NFIC: variants seen among roughly 807,000 people sequenced by gnomAD.
NFIC encodes the protein nuclear factor 1 C-type.
A neutral mutation model predicts 54.4 loss-of-function variants in NFIC; 12 were observed. The observed-to-expected ratio is 0.22, with a 90% CI of 0.14 to 0.36. The LOEUF (loss-of-function observed/expected upper bound fraction) is 0.36. NFIC is among the 10% of genes least tolerant of loss of function. The pLI is 1.00. For synonymous variants in NFIC, 322 were observed against 319.2 expected (o/e 1.01, Z -0.09); for missense variants, 575 against 718.2 (o/e 0.80, Z 2.28).
rs915385088 is a variant in NFIC at position 3,394,980 on chromosome 19, G to T, written c.562+12737G>T. Among the ~76,000 whole-genome samples the T allele has an allele frequency of 2.0e-5, 3 of 152,110 alleles. No individual in the cohort carries two copies. The South Asian group carries it at 6.2e-4, about 32-fold the overall frequency. On this transcript the variant is annotated intron_variant, in intron 2 of 10. Coordinates refer to ENST00000443272, the MANE Select transcript of NFIC (RefSeq NM_001245002.2). ...GAAGGTTGGAGGCTGCTGTTCCAGA[G>T]AATTCGGAAGCAGATCTCCAGTCTC...
chr19:3,440,106 T>G (rs1344072318), intron 6 of NFIC, among the ~76,000 whole-genome samples: 1 of 152,060 alleles, frequency 6.6e-6, no homozygotes, highest in Non-Finnish European at 1.5e-5. Flanking sequence ...CCGGGATGAT[T>G]TAAGTGGATT....
At chr19:3,449,161 C>G in intron 7 of NFIC, 22 bp downstream of exon 7, 1 of 1,602,550 alleles carries the variant, frequency 6.2e-7, no homozygotes. Context: ...GGGCCCCTGG[C>G]GGGGAGGGGC....
chr19:3,383,459 G>A (rs1019215265), intron 2 of NFIC, among the ~76,000 whole-genome samples: 1 of 152,198 alleles, frequency 6.6e-6, no homozygotes. Context: ...GCTAAGAGCA[G>A]GGTTGGTCCT....
intron 1 of NFIC, among the ~76,000 whole-genome samples, chr19:3,373,033 T>G (rs1483316876): frequency 6.6e-6 from 1 of 151,938 alleles, no homozygotes; most frequent in African/African-American, 2.4e-5. Flanking sequence ...TTAGTAGAGA[T>G]GGGGTTTCAC....
chr19:3,425,746 C>T (rs1339348359), intron 3 of NFIC, among the ~76,000 whole-genome samples: 1 of 151,242 alleles, frequency 6.6e-6, no homozygotes, highest in African/African-American at 2.4e-5. Context: ...AGGCATGAGC[C>T]ACCGTGCCCG....
chr19:3,396,108 G>A (rs920790343), intron 2 of NFIC, among the ~76,000 whole-genome samples: 9 of 152,220 alleles, frequency 5.9e-5, no homozygotes, highest in African/African-American at 2.2e-4. Flanking sequence ...GCAGTTGTGA[G>A]GACTGGTGGT....
intron 2 of NFIC, among the ~76,000 whole-genome samples, chr19:3,399,245 GTGGGGT>G (rs1385765626): frequency 6.6e-6 from 1 of 152,214 alleles, no homozygotes; most frequent in Non-Finnish European, 1.5e-5. Context: ...CGCCTGCTCT[GTGGGGT>G]TGCTGAGGGA....
chr19:3,381,797 G>A lies in NFIC; in HGVS notation c.116G>A (p.Arg39His). The stretch of plus-strand genomic sequence containing the variant: ...TGGTTCAACCTGCAGGCGCGGAAGC[G>A]CAAGTACTTCAAGAAGCACGAGAAG... ...YTWFNLQARKRKYFKKHEKRM... is the reference protein window; with the variant it reads ...YTWFNLQARKHKYFKKHEKRM... The change falls in exon 2 of 11, where the codon CGC becomes CAC. Residue 39 changes from arginine to histidine, a missense_variant. Around this residue, in one of 3 missense-constraint regions of NFIC, gnomAD observed 122 missense variants for 158.0 expected, o/e 0.77. Transcript: ENST00000443272. The A allele has an allele frequency of 6.2e-7, 1 of 1,613,990 alleles. No individual in the cohort carries two copies. The highest frequency in any genetic ancestry group is 8.5e-7 in the Non-Finnish European group (1 of 1,179,968).
At chr19:3,394,519 A>ACCCCTCCCCCCCCCC (rs138210089) in intron 2 of NFIC, among the ~76,000 whole-genome samples, 1 of 47,312 alleles carries the variant, frequency 2.1e-5, no homozygotes, top group African/African-American at 1.4e-4. Context: ...TCTTTTCCCC[A>ACCCCTCCCCCCCCCC]CCCACCCCCC....
intron 2 of NFIC, among the ~76,000 whole-genome samples, chr19:3,392,991 A>G (rs926489183): frequency 6.6e-6 from 1 of 152,046 alleles, no homozygotes; most frequent in East Asian, 1.9e-4. Flanking sequence ...CCCAGGCTGG[A>G]GTACAGTGGC....
chr19:3,427,878 GA>G (rs2082052100), intron 3 of NFIC, among the ~76,000 whole-genome samples: 1 of 139,330 alleles, frequency 7.2e-6, no homozygotes, highest in Non-Finnish European at 1.6e-5. Flanking sequence ...AAGAGAGAGA[GA>G]AAAAGAAGGG....
At chr19:3,377,506 G>A (rs2081129319) in intron 1 of NFIC, among the ~76,000 whole-genome samples, 1 of 152,114 alleles carries the variant, frequency 6.6e-6, no homozygotes, top group Admixed American at 6.6e-5. Context: ...GGTCAAGGCA[G>A]GGAGATGGAA....
chr19:3,407,637 T>C (rs1450913818), intron 2 of NFIC, among the ~76,000 whole-genome samples: 1 of 151,694 alleles, frequency 6.6e-6, no homozygotes, highest in Non-Finnish European at 1.5e-5. Flanking sequence ...GTTTCCGCCA[T>C]GTTGGTCAGG....
chr19:3,430,931 C>CAAAAAAAAAAAAAAAAAAA (rs59760975), intron 3 of NFIC, among the ~76,000 whole-genome samples: 6 of 80,160 alleles, frequency 7.5e-5, no homozygotes, highest in African/African-American at 2.4e-4. Flanking sequence ...GACTCCGTCT[C>CAAAAAAAAAAAAAAAAAAA]AAAAAAAAAA....
At chr19:3,394,158 T>C (rs568554811) in intron 2 of NFIC, among the ~76,000 whole-genome samples, 54 of 151,898 alleles carry the variant, frequency 3.6e-4, no homozygotes, top group Non-Finnish European at 5.6e-4. Flanking sequence ...AATGATACTA[T>C]TGCAATCCAT....
At chr19:3,392,572 C>T (rs376684467) in intron 2 of NFIC, among the ~76,000 whole-genome samples, 3 of 152,202 alleles carry the variant, frequency 2.0e-5, no homozygotes, top group Non-Finnish European at 4.4e-5. Flanking sequence ...GGGTGGGGCC[C>T]GGCCCTCCCA....
At chr19:3,401,043 C>T (rs987635551) in intron 2 of NFIC, among the ~76,000 whole-genome samples, 2 of 152,168 alleles carry the variant, frequency 1.3e-5, no homozygotes, top group African/African-American at 2.4e-5. Context: ...TGGGGGAAGG[C>T]GTTCCAGGCA....
chr19:3,463,350 C>A lies in NFIC; in HGVS notation c.*581C>A. The A allele has an allele frequency of 1.0e-6, 1 of 986,448 alleles. No individual in the cohort carries two copies. Among genetic ancestry groups the A allele is most frequent in the East Asian group, 1.1e-4 (1 of 8,790 alleles). 61.1% of individuals were successfully genotyped at this position (986,448 alleles called of 1,614,324 possible). A position where few individuals can be genotyped will look rare whatever the true frequency, so the allele number is the denominator to read the frequency against. On this transcript the variant is annotated 3_prime_UTR_variant, in exon 11 of 11. Coordinates refer to ENST00000443272, the MANE Select transcript of NFIC (RefSeq NM_001245002.2). ...CAGCCACTGGGGGGAAAGGGAGACACAGCGGACCCCGGCCGGGCAGCGGAG... is the reference window on the plus strand; with the variant it reads ...CAGCCACTGGGGGGAAAGGGAGACAAAGCGGACCCCGGCCGGGCAGCGGAG...
At chr19:3,436,282 G>T (rs1049688606) in intron 6 of NFIC, among the ~76,000 whole-genome samples, 3 of 146,478 alleles carry the variant, frequency 2.0e-5, no homozygotes, top group Non-Finnish European at 4.5e-5. Flanking sequence ...GTATCGGACT[G>T]CAGGTGCATA....
Sources: gnomAD v4.1 joint callset for allele counts (sites outside exome capture counted in the v4.1 genomes callset) on GRCh38, gnomAD v4.1.1 for gene constraint, gnomAD v4.1.1 regional missense constraint, MANE v1.5 for transcripts, NCBI Gene and HGNC (gene_info 2026-07-23, HGNC 2026-07-21) for gene names.